Variants in TCF4 observed in about 807,000 individuals in gnomAD.
TCF4 encodes the protein transcription factor 4.
Under a neutral mutation model 82.1 loss-of-function variants are expected in TCF4, and 3 were observed. The observed-to-expected ratio is 0.04, with a 90% confidence interval of 0.02 to 0.09. The LOEUF is 0.09. Among genes scored for constraint, TCF4 ranks in the 10% least tolerant of loss-of-function variants. The pLI is 1.00. For synonymous variants in TCF4, 276 were observed against 309.6 expected (o/e 0.89, Z 1.14); for missense variants, 518 against 852.7 (o/e 0.61, Z 4.89).
chr18:55,250,327 C>T (rs1339725947), intron 15 of TCF4, among the ~76,000 whole-genome samples: 4 of 152,146 alleles, frequency 2.6e-5, no homozygotes, highest in African/African-American at 9.7e-5. Context: ...TCTGTCTATA[C>T]ATTTGGGAAG....
chr18:55,272,501 T>G (rs866711649), intron 10 of TCF4, among the ~76,000 whole-genome samples: 8 of 152,240 alleles, frequency 5.3e-5, no homozygotes, highest in Middle Eastern at 3.4e-3. Flanking sequence ...TTTTAACTTA[T>G]GATGCCCAAG....
At chr18:55,502,433 T>C (rs776651556) in intron 3 of TCF4, among the ~76,000 whole-genome samples, 2 of 152,190 alleles carry the variant, frequency 1.3e-5, no homozygotes, top group Admixed American at 6.5e-5. Context: ...TGTATTCTCA[T>C]GACATTTAAA....
chr18:55,386,214 G>C (rs899026139), intron 6 of TCF4, among the ~76,000 whole-genome samples: 1 of 152,158 alleles, frequency 6.6e-6, no homozygotes, highest in Non-Finnish European at 1.5e-5. Flanking sequence ...AGAATGCCAG[G>C]CCAATCTGCT....
At chr18:55,522,731 A>G (rs1274716939) in intron 3 of TCF4, among the ~76,000 whole-genome samples, 1 of 152,174 alleles carries the variant, frequency 6.6e-6, no homozygotes, top group African/African-American at 2.4e-5. Flanking sequence ...TATCTACCAT[A>G]AACACACAGT....
At chr18:55,458,348 C>T (rs928039204) in intron 5 of TCF4, among the ~76,000 whole-genome samples, 1 of 152,186 alleles carries the variant, frequency 6.6e-6, no homozygotes, top group African/African-American at 2.4e-5. Context: ...TTGTCAAACA[C>T]TTATGCTAAA....
intron 6 of TCF4, among the ~76,000 whole-genome samples, chr18:55,393,238 C>T (rs2093283452): frequency 6.6e-6 from 1 of 152,122 alleles, no homozygotes; most frequent in Admixed American, 6.5e-5. Flanking sequence ...GTGGTATATG[C>T]CTGCAGTCCT....
In TCF4 at chr18:55,224,929, C is replaced by T. The variant is rs2046397512; in HGVS notation, c.*3106G>A. On this transcript the variant is annotated 3_prime_UTR_variant, in exon 20 of 20. Transcript: ENST00000354452. ...CGTCATACAGATAGCGTAGTATGGA[C>T]CCTTTTGAAATTTTTGTATAGTACT... is the stretch of plus-strand genomic sequence containing the variant. 1 of 152,312 alleles carries T rather than the reference C, an allele frequency of 6.6e-6. No individual in the cohort carries two copies. The highest frequency in any genetic ancestry group is 1.5e-5 in the Non-Finnish European group (1 of 67,998). The allele number at this position is 152,312 out of a possible 1,614,324, so 9.4% of individuals were successfully genotyped here.
chr18:55,542,938 T>C (rs1413244399), intron 3 of TCF4, among the ~76,000 whole-genome samples: 2 of 152,070 alleles, frequency 1.3e-5, no homozygotes, highest in African/African-American at 2.4e-5. Flanking sequence ...GTTGATGATA[T>C]GGAAAACAAA....
At chr18:55,513,552 A>C (rs573558115) in intron 3 of TCF4, among the ~76,000 whole-genome samples, 55 of 152,152 alleles carry the variant, frequency 3.6e-4, no homozygotes, top group Non-Finnish European at 6.6e-4. Flanking sequence ...ATTGCTTCTT[A>C]TAATTTTTCC....
chr18:55,330,400 G>A (rs973712300), intron 8 of TCF4, among the ~76,000 whole-genome samples: 1 of 151,950 alleles, frequency 6.6e-6, no homozygotes, highest in Non-Finnish European at 1.5e-5. Flanking sequence ...GGATGGTCTC[G>A]ATCTCTTGAC....
Position 55,587,112 on chromosome 18 carries a change from T to A in TCF4, c.5A>T (p.His2Leu), listed in dbSNP as rs762916129. 4 of 1,613,436 alleles carry A rather than the reference T, an allele frequency of 2.5e-6. No individual in the cohort carries two copies. Among genetic ancestry groups the A allele is most frequent in the Non-Finnish European group, 2.5e-6 (3 of 1,179,880 alleles). M[H>L]HQQRMAALGT... ...TAAGGCAGCCATTCGCTGTTGGTGA[T>A]GCATTTTAGCAAAATCACACAAACC... Residue 2 changes from histidine (H) to leucine (L), a missense_variant, in exon 2 of 20, where the codon CAT (histidine) becomes CTT (leucine). His to Leu is a moderately conservative substitution (Grantham distance 99). Coordinates refer to ENST00000354452, the MANE Select transcript of TCF4 (RefSeq NM_001083962.2).
At chr18:55,490,217 C>T (rs375467338) in intron 3 of TCF4, among the ~76,000 whole-genome samples, 23 of 152,080 alleles carry the variant, frequency 1.5e-4, no homozygotes, top group East Asian at 7.7e-4. Flanking sequence ...GGGATTTCTG[C>T]GGTTATTTTG....
At chr18:55,449,948 G>A (rs772038033) in intron 5 of TCF4, among the ~76,000 whole-genome samples, 9 of 152,070 alleles carry the variant, frequency 5.9e-5, no homozygotes, top group Non-Finnish European at 1.0e-4. Flanking sequence ...CAAGCTGATC[G>A]GACCCAATGA....
chr18:55,229,226 T>C (rs2047181783), intron 17 of TCF4, 150 bp from the exon 18 acceptor site: 9 of 825,514 alleles, frequency 1.1e-5, no homozygotes, highest in Non-Finnish European at 1.4e-5. Flanking sequence ...GACCTTGGGA[T>C]TGGTTTAGAT....
At chr18:55,486,813 G>C (rs1174606319) in intron 3 of TCF4, among the ~76,000 whole-genome samples, 4 of 152,084 alleles carry the variant, frequency 2.6e-5, no homozygotes, top group Admixed American at 2.6e-4. Flanking sequence ...AGAAGATCTG[G>C]GACTTCTCCA....
chr18:55,627,668 G>A lies in TCF4; in HGVS notation c.286+3630C>T, dbSNP rs113811429. ...TAATCCCAGCTACTCGGAAGGCTGA[G>A]GCAGGACAATTGCTTGAACCCAGGA... On this transcript the variant is annotated intron_variant, in intron 2 of 20. Coordinates refer to the TCF4 transcript ENST00000398339. Among the ~76,000 whole-genome samples, 377 of 152,250 alleles carry A rather than the reference G, an allele frequency of 2.5e-3. 10 individuals carry two copies. The South Asian group carries it at 0.074, about 30-fold the overall frequency.
rs1312264178 is a variant in TCF4 at position 55,232,611 on chromosome 18, T to C, written c.1547A>G (p.Asp516Gly). 1 of 1,614,204 alleles carries C rather than the reference T, an allele frequency of 6.2e-7. No homozygotes were observed. The highest frequency in any genetic ancestry group is 1.7e-5 in the Admixed American group (1 of 60,018). The change falls in exon 17 of 20, where the codon GAT (aspartate) becomes GGT (glycine). Residue 516 changes from aspartate (D) to glycine (G), a missense_variant. Transcript: ENST00000354452. ...VSSGSSEIKS[D>G]DEGDENLQDT... The stretch of plus-strand genomic sequence containing the variant: ...TTGCAGGTTCTCATCACCCTCGTCA[T>C]CGGATTTGATCTCAGAGCTGCCAGA...
chr18:55,439,709 A>G (rs2095402525), intron 5 of TCF4, among the ~76,000 whole-genome samples: 2 of 152,170 alleles, frequency 1.3e-5, no homozygotes, highest in South Asian at 4.1e-4. Flanking sequence ...ATTCAAGGCC[A>G]CTTAAACGAT....
intron 5 of TCF4, among the ~76,000 whole-genome samples, chr18:55,432,087 A>C (rs1303932337): frequency 6.6e-6 from 1 of 152,160 alleles, no homozygotes; most frequent in Non-Finnish European, 1.5e-5. Context: ...GGATCACTTG[A>C]AGTCAGGAGT....
Sources: gnomAD v4.1 joint callset for allele counts (sites outside exome capture counted in the v4.1 genomes callset) on GRCh38, gnomAD v4.1.1 for gene constraint, MANE v1.5 for transcripts, NCBI Gene and HGNC (gene_info 2026-07-23, HGNC 2026-07-21) for gene names.